Variants in ADCYAP1R1 observed in about 807,000 individuals in gnomAD.
ADCYAP1R1 encodes the protein pituitary adenylate cyclase-activating polypeptide type I receptor.
In ADCYAP1R1, 44 loss-of-function variants were observed where a neutral mutation model predicts 67.6. That is an observed-to-expected ratio of 0.65 (90% CI 0.51 to 0.84). The LOEUF (loss-of-function observed/expected upper bound fraction) is 0.84, where lower values mean the gene tolerates loss of function less well. ADCYAP1R1 is among the 40% of genes least tolerant of loss of function. The pLI is 0.00. For synonymous variants in ADCYAP1R1, 222 were observed against 219.6 expected (o/e 1.01, Z -0.10); for missense variants, 477 against 587.9 (o/e 0.81, Z 1.95).
At position 31,106,496 on chromosome 7, in the gene ADCYAP1R1, G is replaced by T; in HGVS notation, c.1219G>T (p.Val407Leu). 6.2e-7 allele frequency: 1 copy of T among 1,603,810 alleles called. No homozygotes were observed. The highest frequency in any genetic ancestry group is 8.5e-7 in the Non-Finnish European group (1 of 1,174,800). Residue 407 changes from valine (V) to leucine (L), a missense_variant and splice_region_variant, in exon 16 of 16, where the codon GTA becomes TTA. Coordinates refer to ENST00000304166, the MANE Select transcript of ADCYAP1R1 (RefSeq NM_001118.5). ...AVLYCFLNGE[V>L]QAEIKRKWRS... ...TGACCGCCCAGTTTGCTCCCTGCAG[G>T]TACAAGCGGAGATCAAGCGAAAATG...
chr7:31,095,904 C>G (rs1309252464), intron 13 of ADCYAP1R1, among the ~76,000 whole-genome samples: 1 of 152,126 alleles, frequency 6.6e-6, no homozygotes, highest in Non-Finnish European at 1.5e-5. Flanking sequence ...CCTGATGCTC[C>G]TGGTAGGATG....
At chr7:31,065,071 T>C (rs1314560539) in intron 3 of ADCYAP1R1, 135 bp downstream of exon 3, 6 of 645,860 alleles carry the variant, frequency 9.3e-6, no homozygotes, top group Non-Finnish European at 1.6e-5. Context: ...AGAATACTGA[T>C]GTCCTGGATC....
At chr7:31,057,178 C>T (rs954216088) in intron 1 of ADCYAP1R1, 19 of 152,476 alleles carry the variant, frequency 1.2e-4, no homozygotes, top group African/African-American at 4.6e-4. Context: ...TCCTCCCCTC[C>T]CTCCTCTCAT....
At chr7:31,097,902 T>C (rs1443008922) in intron 13 of ADCYAP1R1, among the ~76,000 whole-genome samples, 8 of 152,100 alleles carry the variant, frequency 5.3e-5, no homozygotes, top group South Asian at 2.1e-4. Flanking sequence ...TAACCAATTA[T>C]TATTATTTTT....
At chr7:31,078,662 G>A (rs7805487) in intron 4 of ADCYAP1R1, among the ~76,000 whole-genome samples, 8,426 of 152,270 alleles carry the variant, frequency 0.055, 799 homozygotes, top group African/African-American at 0.19. Context: ...CCACTTAGAC[G>A]CAGGCACAAG....
At position 31,078,005 on chromosome 7, in the gene ADCYAP1R1, T is replaced by C; in HGVS notation, c.172T>C (p.Trp58Arg). 1 of 1,611,154 alleles carries C rather than the reference T, an allele frequency of 6.2e-7. No individual in the cohort carries two copies. Among genetic ancestry groups the C allele is most frequent in the Non-Finnish European group, 8.5e-7 (1 of 1,178,424 alleles). Reference sequence around the variant, plus strand: ...CTTACCCACAGGCTGTCCTGGGATGTGGGACAACATCACGTGTTGGAAGCC... The same window carrying C: ...CTTACCCACAGGCTGTCCTGGGATGCGGGACAACATCACGTGTTGGAAGCC... ...NDSSPGCPGM[W>R]DNITCWKPAH... The change falls in exon 4 of 16, where the codon TGG (tryptophan) becomes CGG (arginine). Residue 58 changes from tryptophan (W) to arginine (R), a missense_variant. By Grantham distance (101) the Trp-to-Arg change is moderately radical. Transcript: ENST00000304166.
intron 1 of ADCYAP1R1, among the ~76,000 whole-genome samples, chr7:31,056,357 C>G (rs940283325): frequency 6.6e-6 from 1 of 152,104 alleles, no homozygotes; most frequent in Non-Finnish European, 1.5e-5. Context: ...CCCTCCTGAT[C>G]GATGGGCACT....
chr7:31,052,918 A>G (rs888066645), intron 1 of ADCYAP1R1, among the ~76,000 whole-genome samples: 1 of 151,692 alleles, frequency 6.6e-6, no homozygotes, highest in Non-Finnish European at 1.5e-5. Context: ...CCCCAACCCA[A>G]GTGTCTGGCG....
chr7:31,100,263 G>T (rs749581621), intron 13 of ADCYAP1R1: 1 of 1,504,902 alleles, frequency 6.6e-7, no homozygotes, highest in African/African-American at 1.4e-5. Context: ...GGTGGGGGAC[G>T]CATGCTGCCA....
intron 3 of ADCYAP1R1, among the ~76,000 whole-genome samples, chr7:31,075,620 C>T (rs1795176442): frequency 6.6e-6 from 1 of 152,154 alleles, no homozygotes; most frequent in African/African-American, 2.4e-5. Context: ...GTCCCATGGC[C>T]TCAATCACTA....
chr7:31,086,393 A>C lies in ADCYAP1R1; in HGVS notation c.679A>C (p.Lys227Gln). The C allele has an allele frequency of 6.2e-7, 1 of 1,613,994 alleles. No individual in the cohort carries two copies. Among genetic ancestry groups the C allele is most frequent in the South Asian group, 1.1e-5 (1 of 91,034 alleles). ...NHCFISTVECKAVMVFFHYCV... is the reference protein window; with the variant it reads ...NHCFISTVECQAVMVFFHYCV... The stretch of plus-strand genomic sequence containing the variant: ...GCGCTTCTCCCTGCAGGTGGAATGT[A>C]AGGCCGTCATGGTTTTCTTCCACTA... Residue 227 changes from lysine to glutamine, a missense_variant, in exon 10 of 16, where the codon AAG becomes CAG. Physicochemically the swap from Lys to Gln is moderately conservative, Grantham distance 53. Transcript: ENST00000304166. The surrounding 1 kb of genome is among the most constrained non-coding windows in gnomAD (Gnocchi z 5.0).
chr7:31,086,489 T>G lies in ADCYAP1R1; in HGVS notation c.775T>G (p.Phe259Val), dbSNP rs1259381967. The G allele has an allele frequency of 6.2e-7, 1 of 1,614,238 alleles. No homozygotes were observed. Among genetic ancestry groups the G allele is most frequent in the Non-Finnish European group, 8.5e-7 (1 of 1,180,040 alleles). ...CCTCTTCACTCTGCTGGTGGAGACC[T>G]TCTTCCCTGAAAGGAGATACTTCTA... ...LYLFTLLVETFFPERRYFYWY... is the reference protein window; with the variant it reads ...LYLFTLLVETVFPERRYFYWY... The change falls in exon 10 of 16, where the codon TTC becomes GTC. Residue 259 changes from phenylalanine to valine, a missense_variant. By Grantham distance (50) the Phe-to-Val change is conservative. Coordinates refer to ENST00000304166, the MANE Select transcript of ADCYAP1R1 (RefSeq NM_001118.5). This position sits in a 1 kb window ranked among gnomAD's most constrained non-coding sequence, Gnocchi z 5.0.
intron 2 of ADCYAP1R1, 31 bp from the exon 3 acceptor site, chr7:31,064,800 C>T: frequency 5.7e-6 from 9 of 1,570,028 alleles, no homozygotes; most frequent in Non-Finnish European, 7.8e-6. Flanking sequence ...CTCCTACCCG[C>T]TCCCACCATC....
intron 3 of ADCYAP1R1, among the ~76,000 whole-genome samples, chr7:31,076,132 A>G (rs957151952): frequency 3.9e-5 from 6 of 152,182 alleles, no homozygotes; most frequent in Non-Finnish European, 8.8e-5. Context: ...TCCACATGAA[A>G]TTCTGTAACA....
intron 3 of ADCYAP1R1, among the ~76,000 whole-genome samples, chr7:31,071,396 C>T (rs1377414578): frequency 6.6e-6 from 1 of 152,166 alleles, no homozygotes; most frequent in Non-Finnish European, 1.5e-5. Context: ...ATTCCTCTCC[C>T]CATGTCCCCC....
chr7:31,071,883 A>G (rs1020614705), intron 3 of ADCYAP1R1, among the ~76,000 whole-genome samples: 2 of 151,908 alleles, frequency 1.3e-5, no homozygotes, highest in African/African-American at 2.4e-5. Flanking sequence ...ACCCCAGACT[A>G]AGCTCTTGCT....
At chr7:31,069,798 A>C (rs1313977315) in intron 3 of ADCYAP1R1, among the ~76,000 whole-genome samples, 2 of 152,142 alleles carry the variant, frequency 1.3e-5, no homozygotes, top group African/African-American at 4.8e-5. Context: ...TGGGGGTGAA[A>C]AATAGAGCCC....
chr7:31,090,641 C>A (rs1004732647), intron 12 of ADCYAP1R1, among the ~76,000 whole-genome samples: 1 of 152,224 alleles, frequency 6.6e-6, no homozygotes, highest in Non-Finnish European at 1.5e-5. Flanking sequence ...CAATGTTTAG[C>A]TCCCACGTCT....
At chr7:31,097,024 G>C (rs1796223465) in intron 13 of ADCYAP1R1, among the ~76,000 whole-genome samples, 1 of 152,262 alleles carries the variant, frequency 6.6e-6, no homozygotes, top group African/African-American at 2.4e-5. Flanking sequence ...TCTGGAGTTT[G>C]GCCCTCATAG....
Sources: gnomAD v4.1 joint callset for allele counts (sites outside exome capture counted in the v4.1 genomes callset) on GRCh38, gnomAD v4.1.1 for gene constraint, Gnocchi (gnomAD v3.1) non-coding constraint, MANE v1.5 for transcripts, NCBI Gene and HGNC (gene_info 2026-07-23, HGNC 2026-07-21) for gene names.